Variants in PIEZO2 observed in about 807,000 individuals in gnomAD.
PIEZO2 encodes the protein piezo-type mechanosensitive ion channel component 2.
Under a neutral mutation model 337.3 loss-of-function variants are expected in PIEZO2, and 172 were observed. That is an observed-to-expected ratio of 0.51 (90% CI 0.45 to 0.58). The LOEUF (loss-of-function observed/expected upper bound fraction) is 0.58. Ranked by LOEUF, PIEZO2 falls within the 20% of genes least tolerant of loss-of-function variation. The pLI is 0.00. For synonymous variants in PIEZO2, 1,251 were observed against 1,228.5 expected (o/e 1.02, Z -0.38); for missense variants, 3,028 against 3,391.3 (o/e 0.89, Z 2.66).
Position 10,841,068 on chromosome 18 carries a change from TAAC to T in PIEZO2, c.917+14282_917+14284del, listed in dbSNP as rs957015475. ...CAGACAACGTTTTGAACTTTTGGCA[TAAC>T]AACAATAAATCCACAGAATTTTATT... On this transcript the variant is annotated intron_variant, in intron 7 of 55. Transcript: ENST00000674853. Among the ~76,000 whole-genome samples, 35 of 152,320 alleles carry T rather than the reference TAAC, an allele frequency of 2.3e-4. No homozygotes were observed. In the Middle Eastern group the frequency reaches 0.01, roughly 44 times the overall value.
chr18:10,914,364 C>T (rs2030754908), intron 3 of PIEZO2, among the ~76,000 whole-genome samples: 2 of 151,884 alleles, frequency 1.3e-5, no homozygotes, highest in South Asian at 2.1e-4. Flanking sequence ...TCAGTATCCA[C>T]AGGGAATTAA....
chr18:10,835,921 C>G (rs1367087249), intron 7 of PIEZO2, among the ~76,000 whole-genome samples: 2 of 152,188 alleles, frequency 1.3e-5, no homozygotes, highest in Non-Finnish European at 2.9e-5. Flanking sequence ...TTGCAAAGAT[C>G]GGATGAAAGT....
chr18:11,085,311 T>A (rs889822272), intron 1 of PIEZO2, among the ~76,000 whole-genome samples: 2 of 152,092 alleles, frequency 1.3e-5, no homozygotes, highest in African/African-American at 4.8e-5. Flanking sequence ...CTTTAAAATC[T>A]GGACAACCCA....
intron 2 of PIEZO2, among the ~76,000 whole-genome samples, chr18:11,054,862 G>A (rs759951718): frequency 3.9e-5 from 6 of 152,156 alleles, no homozygotes; most frequent in Non-Finnish European, 8.8e-5. Flanking sequence ...CTAGACTGAT[G>A]AGGCACTCCT....
chr18:10,844,725 G>A (rs919870259), intron 7 of PIEZO2, among the ~76,000 whole-genome samples: 3 of 150,126 alleles, frequency 2.0e-5, no homozygotes, highest in South Asian at 4.2e-4. Flanking sequence ...GGAGACAGAG[G>A]TTGCAGTGAG....
intron 2 of PIEZO2, among the ~76,000 whole-genome samples, chr18:11,062,661 G>A (rs533131533): frequency 2.0e-5 from 3 of 152,288 alleles, no homozygotes; most frequent in Admixed American, 2.0e-4. Context: ...ACGAAAAAAT[G>A]CTCATCATCA....
chr18:10,922,725 G>C (rs2031503388), intron 3 of PIEZO2, among the ~76,000 whole-genome samples: 1 of 152,090 alleles, frequency 6.6e-6, no homozygotes. Flanking sequence ...GTTCAGGCAG[G>C]ACTCATAAGC....
In PIEZO2 at chr18:10,929,252, G is replaced by T. The variant is rs779616066; in HGVS notation, c.287-18024C>A. On this transcript the variant is annotated intron_variant, in intron 3 of 55. Coordinates refer to ENST00000674853, the MANE Select transcript of PIEZO2 (RefSeq NM_001378183.1). This position sits in a 1 kb window ranked among gnomAD's most constrained non-coding sequence, Gnocchi z 5.6. ...TTCTGAAATGGAGAACTCAAGAAAA[G>T]AAATTAAAAGTGTGAGCGAGCTGCA... is the stretch of plus-strand genomic sequence containing the variant. Among the ~76,000 whole-genome samples the T allele has an allele frequency of 8.5e-5, 13 of 152,180 alleles. No homozygotes were observed. Among genetic ancestry groups the T allele is most frequent in the South Asian group, 2.1e-4 (1 of 4,830 alleles).
rs1298834028 is a variant in PIEZO2, at chr18:11,021,117, C to T, written c.161-41457G>A. ...TGCAAACTCCAGGGGCCTCACAGGC[C>T]TGGACTATGATTCTCTTCCGTTACA... On this transcript the variant is annotated intron_variant, in intron 2 of 55. Coordinates refer to ENST00000674853, the MANE Select transcript of PIEZO2 (RefSeq NM_001378183.1). This position sits in a 1 kb window ranked among gnomAD's most constrained non-coding sequence, Gnocchi z 4.7. Among the ~76,000 whole-genome samples, 1 of 152,170 alleles carries T rather than the reference C, an allele frequency of 6.6e-6. No individual in the cohort carries two copies.
chr18:10,672,745 C>T lies in PIEZO2; in HGVS notation c.8290G>A (p.Val2764Met), dbSNP rs772787185. ...GGACTGACTTTGTCATTGAAGACCA[C>T]CAGTTCCAGGGCCTGAGAGTTCGGA... ...YNPNSQALEL[V>M]VFNDKVSPPS... is the part of the protein sequence containing the mutation. Residue 2764 changes from valine (V) to methionine (M), a missense_variant, in exon 55 of 56, where the codon GTG (valine) becomes ATG (methionine). Physicochemically the swap from Val to Met is conservative, Grantham distance 21 (BLOSUM62 1). Around this residue, in one of 5 missense-constraint regions of PIEZO2, gnomAD observed 332 missense variants for 363.8 expected, o/e 0.91. Coordinates refer to ENST00000674853, the MANE Select transcript of PIEZO2 (RefSeq NM_001378183.1). The surrounding 1 kb of genome is among the most constrained non-coding windows in gnomAD (Gnocchi z 4.7). 11 of 1,614,120 alleles carry T rather than the reference C, an allele frequency of 6.8e-6. No individual in the cohort carries two copies. Among genetic ancestry groups the T allele is most frequent in the Admixed American group, 3.3e-5 (2 of 60,018 alleles).
Position 10,787,041 on chromosome 18 carries a change from T to G in PIEZO2, c.2313A>C (p.Lys771Asn). 1.3e-6 allele frequency: 2 copies of G among 1,530,062 alleles called. No individual in the cohort carries two copies. Among genetic ancestry groups the G allele is most frequent in the Non-Finnish European group, 1.7e-6 (2 of 1,143,662 alleles). 94.8% of individuals were successfully genotyped at this position (1,530,062 alleles called of 1,614,324 possible). A position where few individuals can be genotyped will look rare whatever the true frequency, so the allele number is the denominator to read the frequency against. ...TTCAACTCAAAATCACTTACTTTTC[T>G]TTTTTCAGTCCAGTCATATTTTGCC... ...GLWQNMTGLK[K>N]EKLEDLGLKQ... The change falls in exon 16 of 56, where the codon AAA becomes AAC. Residue 771 changes from lysine to asparagine, a missense_variant. Lys to Asn is a moderately conservative substitution (Grantham distance 94, BLOSUM62 0). Around this residue, in one of 5 missense-constraint regions of PIEZO2, gnomAD observed 1,925 missense variants for 2,051.9 expected, o/e 0.94. Coordinates refer to ENST00000674853, the MANE Select transcript of PIEZO2 (RefSeq NM_001378183.1).
At chr18:10,715,847 A>G (rs1203520590) in intron 37 of PIEZO2, 31 bp from the exon 38 acceptor site, 36 of 1,469,966 alleles carry the variant, frequency 2.4e-5, no homozygotes, top group Non-Finnish European at 3.1e-5. Context: ...AAGATGTTAA[A>G]GGAACAAAAT....
chr18:10,993,550 G>A lies in PIEZO2; in HGVS notation c.161-13890C>T, dbSNP rs573925320. ...GTTGTTGTTGTTGTTGTTTTGAGGC[G>A]GAGTCTCGCTCTGTGGCCCAGGCTG... On this transcript the variant is annotated intron_variant, in intron 2 of 55. Coordinates refer to ENST00000674853, the MANE Select transcript of PIEZO2 (RefSeq NM_001378183.1). This position sits in a 1 kb window ranked among gnomAD's most constrained non-coding sequence, Gnocchi z 5.0. 1.5e-4 allele frequency among the ~76,000 whole-genome samples: 23 copies of A among 152,044 alleles called. No homozygotes were observed. The highest frequency in any genetic ancestry group is 3.4e-4 in the African/African-American group (14 of 41,464).
chr18:10,705,755 A>G lies in PIEZO2; in HGVS notation c.5589-9T>C, dbSNP rs1426803747. ...TACACTGCGTGGGCTCGCTGTTGGG[A>G]GAAAGCGTGGGCACAGAGCCCATGT... On this transcript the variant is annotated splice_polypyrimidine_tract_variant and intron_variant, in intron 40 of 55. Transcript: ENST00000674853. 1 of 1,511,930 alleles carries G rather than the reference A, an allele frequency of 6.6e-7. No homozygotes were observed. The highest frequency in any genetic ancestry group is 1.4e-5 in the African/African-American group (1 of 72,380). The allele number at this position is 1,511,930 out of a possible 1,614,324, so 93.7% of individuals were successfully genotyped here. A position where few individuals can be genotyped will look rare whatever the true frequency, so the allele number is the denominator to read the frequency against.
Position 10,821,105 on chromosome 18 carries a change from A to C in PIEZO2, c.918-13831T>G, listed in dbSNP as rs1185634282. On this transcript the variant is annotated intron_variant, in intron 7 of 55. Transcript: ENST00000674853. The surrounding 1 kb of genome is among the most constrained non-coding windows in gnomAD (Gnocchi z 4.2). The stretch of plus-strand genomic sequence containing the variant: ...CTCTTTCTCTGTCTTTCTCCTCTCC[A>C]TTACTCTGTGCCACAAATATCAGCC... Among the ~76,000 whole-genome samples the C allele has an allele frequency of 6.6e-6, 1 of 152,034 alleles. No homozygotes were observed. Among genetic ancestry groups the C allele is most frequent in the African/African-American group, 2.4e-5 (1 of 41,398 alleles).
intron 1 of PIEZO2, among the ~76,000 whole-genome samples, chr18:11,086,731 A>G (rs980873845): frequency 1.3e-5 from 2 of 148,644 alleles, no homozygotes; most frequent in Non-Finnish European, 3.0e-5. Context: ...TTCTTACAAT[A>G]AAAAAGAGAC....
chr18:10,819,609 C>T lies in PIEZO2; in HGVS notation c.918-12335G>A, dbSNP rs1395374234. On this transcript the variant is annotated intron_variant, in intron 7 of 55. Transcript: ENST00000674853. The surrounding 1 kb of genome is among the most constrained non-coding windows in gnomAD (Gnocchi z 4.3). The stretch of plus-strand genomic sequence containing the variant: ...TTAGCTAATTCAATGCACAATTACA[C>T]AGGTGTTTTCTCAATGTTGTTCTCA... Among the ~76,000 whole-genome samples, 1 of 152,184 alleles carries T rather than the reference C, an allele frequency of 6.6e-6. No individual in the cohort carries two copies. Among genetic ancestry groups the T allele is most frequent in the Non-Finnish European group, 1.5e-5 (1 of 68,024 alleles).
At position 10,895,784 on chromosome 18, in the gene PIEZO2, C is replaced by T. The variant is rs542157346; in HGVS notation, c.329+15402G>A. 1.7e-3 allele frequency among the ~76,000 whole-genome samples: 264 copies of T among 152,288 alleles called. 6 individuals are homozygous for T. The South Asian group carries it at 0.042, about 24-fold the overall frequency. ...TGTCTCTAAAACTCAGAGCCAGGCA[C>T]GGGCAGGCTCACGCCTGTAATCCCA... On this transcript the variant is annotated intron_variant, in intron 4 of 55. Coordinates refer to ENST00000674853, the MANE Select transcript of PIEZO2 (RefSeq NM_001378183.1). This position sits in a 1 kb window ranked among gnomAD's most constrained non-coding sequence, Gnocchi z 4.8.
Position 10,787,144 on chromosome 18 carries a change from C to A in PIEZO2, c.2210G>T (p.Trp737Leu). 1.3e-6 allele frequency: 2 copies of A among 1,531,366 alleles called. No individual in the cohort carries two copies. Among genetic ancestry groups the A allele is most frequent in the Non-Finnish European group, 1.7e-6 (2 of 1,144,896 alleles). The allele number at this position is 1,531,366 out of a possible 1,614,324, so 94.9% of individuals were successfully genotyped here. A position where few individuals can be genotyped will look rare whatever the true frequency, so the allele number is the denominator to read the frequency against. ...EWWRKILKYF[W>L]MSVVIYTMLV... ...CATAGTGTAAATAACCACTGACATC[C>A]AAAAATATTTTAGAATTTTCCTCCA... The change falls in exon 16 of 56, where the codon TGG becomes TTG. Residue 737 changes from tryptophan (W) to leucine (L), a missense_variant. Trp to Leu is a moderately conservative substitution (Grantham distance 61, BLOSUM62 -2). This residue lies in a region of PIEZO2 where 1,925 missense variants were observed against 2,051.9 expected (regional missense o/e 0.94). Coordinates refer to ENST00000674853, the MANE Select transcript of PIEZO2 (RefSeq NM_001378183.1).
Sources: gnomAD v4.1 joint callset for allele counts (sites outside exome capture counted in the v4.1 genomes callset) on GRCh38, gnomAD v4.1.1 for gene constraint, gnomAD v4.1.1 regional missense constraint, Gnocchi (gnomAD v3.1) non-coding constraint, MANE v1.5 for transcripts, NCBI Gene and HGNC (gene_info 2026-07-23, HGNC 2026-07-21) for gene names.